RSPH3: variants seen among roughly 807,000 people sequenced by gnomAD.
The protein encoded by RSPH3 is radial spoke head protein 3 homolog.
In RSPH3, 21 loss-of-function variants were observed where a neutral mutation model predicts 43.8. The ratio of observed to expected loss-of-function variants is 0.48; its 90% confidence interval spans 0.34 to 0.69. The LOEUF is 0.69. Ranked by LOEUF, RSPH3 falls within the 30% of genes least tolerant of loss-of-function variation. The pLI is 0.01. For missense variants in RSPH3, 487 were observed against 516.0 expected, an observed-to-expected ratio of 0.94 and a Z score of 0.54; for synonymous variants, 173 against 179.8, an observed-to-expected ratio of 0.96 and a Z score of 0.30.
intron 2 of RSPH3, among the ~76,000 whole-genome samples, chr6:158,992,050 G>GT (rs1214613827): frequency 0.018 from 2,091 of 113,780 alleles, 69 homozygotes; most frequent in African/African-American, 0.05. Context: ...AATGAGCACT[G>GT]TTTTTTTTTT....
chr6:158,986,523 G>T, intron 2 of RSPH3, 102 bp from the exon 3 acceptor site: 7 of 856,372 alleles, frequency 8.2e-6, no homozygotes, highest in Non-Finnish European at 1.3e-5. Context: ...AAAGGCATTT[G>T]TCATAATGTT....
downstream of RSPH3, among the ~76,000 whole-genome samples, chr6:158,970,831 G>C (rs552292805): frequency 6.6e-6 from 1 of 152,156 alleles, no homozygotes; most frequent in Admixed American, 6.5e-5. Context: ...GATTACAGGC[G>C]TGAGAAACGT....
the RSPH3 span, among the ~76,000 whole-genome samples, chr6:158,964,392 C>G: frequency 2.0e-5 from 3 of 152,282 alleles, no homozygotes; most frequent in African/African-American, 7.2e-5. Context: ...GTCTTCAACT[C>G]ATTTTTAGGA....
rs1406371405 is a variant in RSPH3 at position 158,982,688 on chromosome 6, G to A, written c.493C>T (p.Leu165Phe). 6 of 1,604,488 alleles carry A rather than the reference G, an allele frequency of 3.7e-6. No individual in the cohort carries two copies. In the African/African-American group the frequency reaches 5.4e-5, roughly 14 times the overall value. The change falls in exon 5 of 8, where the codon CTC (leucine) becomes TTC (phenylalanine). Residue 165 changes from leucine (L) to phenylalanine (F), a missense_variant and splice_region_variant. Coordinates refer to ENST00000367069, the MANE Select transcript of RSPH3 (RefSeq NM_031924.8). ...TTAACTTCAAGATCAAAGTCAAAGAGCTTAAACATACAAAATAAAGCAAAC... is the reference window on the plus strand; with the variant it reads ...TTAACTTCAAGATCAAAGTCAAAGAACTTAAACATACAAAATAAAGCAAAC... ...DVATQILEGE[L>F]FDFDLEVKPV...
At chr6:158,991,564 C>T (rs1205466419) in intron 2 of RSPH3, among the ~76,000 whole-genome samples, 6 of 152,264 alleles carry the variant, frequency 3.9e-5, no homozygotes, top group African/African-American at 1.2e-4. Context: ...CTCATACCAC[C>T]TTGTTACTAC....
chr6:158,988,366 T>C lies in RSPH3; in HGVS notation c.205-1945A>G, dbSNP rs902657274. On this transcript the variant is annotated intron_variant, in intron 2 of 7. Transcript: ENST00000367069. ...AGCTTGATTATTCTATGGGGTATTA[T>C]TTGGGGTGAATCTGTTTGGTATTCT... is the stretch of plus-strand genomic sequence containing the variant. 2.0e-5 allele frequency: 3 copies of C among 152,176 alleles called. 1 individual carries two copies. Among genetic ancestry groups the C allele is most frequent in the South Asian group, 4.1e-4 (2 of 4,824 alleles). 9.4% of individuals were successfully genotyped at this position (152,176 alleles called of 1,614,324 possible). A position where few individuals can be genotyped will look rare whatever the true frequency, so the allele number is the denominator to read the frequency against.
intron 1 of RSPH3, among the ~76,000 whole-genome samples, chr6:158,998,327 G>C (rs1389801095): frequency 6.7e-6 from 1 of 148,582 alleles, no homozygotes. Context: ...AAAAGAGCCG[G>C]GCGTGGTGGC....
In RSPH3 at chr6:158,999,547, C is replaced by T. The variant is rs1336606611; in HGVS notation, c.4G>A (p.Ala2Thr). ...GAGGTGCGATCAGTCAGCGCTGAGG[C>T]CATGTCCGGGGGCTGACTGCCTCGC... M[A>T]SALTDRTSRA... The change falls in exon 1 of 8, where the codon GCC becomes ACC. Residue 2 changes from alanine to threonine, a missense_variant. Transcript: ENST00000367069. 2 of 1,602,148 alleles carry T rather than the reference C, an allele frequency of 1.2e-6. No individual in the cohort carries two copies. The highest frequency in any genetic ancestry group is 2.2e-5 in the East Asian group (1 of 44,610).
intron 1 of RSPH3, among the ~76,000 whole-genome samples, chr6:158,998,887 C>G (rs1262619717): frequency 6.9e-6 from 1 of 145,930 alleles, no homozygotes; most frequent in East Asian, 1.9e-4. Context: ...ACAACAGCAA[C>G]CACCACCACC....
In RSPH3 at chr6:158,989,923, C is replaced by T. The variant is rs2082659063; in HGVS notation, c.205-3502G>A. Among the ~76,000 whole-genome samples the T allele has an allele frequency of 6.6e-6, 1 of 152,144 alleles. No individual in the cohort carries two copies. Among genetic ancestry groups the T allele is most frequent in the Non-Finnish European group, 1.5e-5 (1 of 68,034 alleles). Reference sequence around the variant, plus strand: ...GTCAGTAGGCTGGGAAAGGCAGACCCACCCTTAATCGGGGTGGGCACAATC... The same window carrying T: ...GTCAGTAGGCTGGGAAAGGCAGACCTACCCTTAATCGGGGTGGGCACAATC... On this transcript the variant is annotated intron_variant, in intron 2 of 7. Coordinates refer to ENST00000367069, the MANE Select transcript of RSPH3 (RefSeq NM_031924.8). The surrounding 1 kb of genome is among the most constrained non-coding windows in gnomAD (Gnocchi z 4.3).
chr6:158,966,967 C>T, the RSPH3 span, among the ~76,000 whole-genome samples: 3 of 149,780 alleles, frequency 2.0e-5, no homozygotes, highest in African/African-American at 7.3e-5. Flanking sequence ...TTATAAATTT[C>T]TGTCTAAGCA....
intron 1 of RSPH3, among the ~76,000 whole-genome samples, chr6:158,998,842 CCT>C (rs1778728783): frequency 6.6e-6 from 1 of 152,054 alleles, no homozygotes. Context: ...TGCAGTCCAG[CCT>C]GGGCGACAAG....
Position 158,999,972 on chromosome 6 carries a change from G to T in RSPH3, c.-422C>A, listed in dbSNP as rs565392186. On this transcript the variant is annotated 5_prime_UTR_variant, in exon 1 of 8. Transcript: ENST00000367069. ...GGAGGCGGCCTTGGCTGGCTTGACC[G>T]TCATCCTTGAGGCCTGCGGGGCAAC... The T allele has an allele frequency of 8.2e-6, 13 of 1,591,648 alleles. No homozygotes were observed. The African/African-American group carries it at 1.5e-4, about 18-fold the overall frequency.
Position 158,993,849 on chromosome 6 carries a change from G to A in RSPH3, c.194C>T (p.Thr65Ile). ...TCAAACTGAACTTACCAGTGGCCCT[G>A]TCTGGAGTGCATAAGTGTTACCTCG... is the stretch of plus-strand genomic sequence containing the variant. ...VIRGNTYALQ[T>I]GPLLGRPDSL... Residue 65 changes from threonine (T) to isoleucine (I), a missense_variant, in exon 2 of 8, where the codon ACA (threonine) becomes ATA (isoleucine). By Grantham distance (89) the Thr-to-Ile change is moderately conservative (BLOSUM62 -1). Coordinates refer to ENST00000367069, the MANE Select transcript of RSPH3 (RefSeq NM_031924.8). The A allele has an allele frequency of 6.3e-7, 1 of 1,596,736 alleles. No individual in the cohort carries two copies. Among genetic ancestry groups the A allele is most frequent in the Non-Finnish European group, 8.6e-7 (1 of 1,164,564 alleles).
At chr6:158,990,837 CCAA>C (rs1778379265) in intron 2 of RSPH3, among the ~76,000 whole-genome samples, 1 of 150,610 alleles carries the variant, frequency 6.6e-6, no homozygotes, top group African/African-American at 2.4e-5. Flanking sequence ...TTCTAGGATT[CCAA>C]CAACATGAAT....
intron 3 of RSPH3, among the ~76,000 whole-genome samples, chr6:158,985,440 A>C (rs1454153282): frequency 6.6e-6 from 1 of 152,184 alleles, no homozygotes; most frequent in Non-Finnish European, 1.5e-5. Flanking sequence ...CTAAGAGAGA[A>C]TTTGGTCACA....
chr6:158,969,514 G>A (rs1319146350), downstream of RSPH3, among the ~76,000 whole-genome samples: 1 of 152,190 alleles, frequency 6.6e-6, no homozygotes, highest in Non-Finnish European at 1.5e-5. Flanking sequence ...CCTATATGGA[G>A]TTCACTGAAC....
chr6:158,980,832 GAGA>G lies in RSPH3; in HGVS notation c.798_800del (p.Leu267del). 1 of 1,614,146 alleles carries G rather than the reference GAGA, an allele frequency of 6.2e-7. No homozygotes were observed. Among genetic ancestry groups the G allele is most frequent in the Non-Finnish European group, 8.5e-7 (1 of 1,180,000 alleles). On this transcript the variant is annotated inframe_deletion, in exon 6 of 8. Coordinates refer to ENST00000367069, the MANE Select transcript of RSPH3 (RefSeq NM_031924.8). ...CCCTGAGGCTGCCAAAAACAGACGG[GAGA>G]AGGTCAGCCAGGTAACGCTGTGCAA...
intron 1 of RSPH3, among the ~76,000 whole-genome samples, chr6:158,995,835 G>A (rs546185673): frequency 4.6e-5 from 7 of 152,120 alleles, no homozygotes; most frequent in Non-Finnish European, 7.4e-5. Flanking sequence ...TCCTGACCTC[G>A]TGATCCGCCC....
Sources: gnomAD v4.1 joint callset for allele counts (sites outside exome capture counted in the v4.1 genomes callset) on GRCh38, gnomAD v4.1.1 for gene constraint, Gnocchi (gnomAD v3.1) non-coding constraint, MANE v1.5 for transcripts, NCBI Gene and HGNC (gene_info 2026-07-23, HGNC 2026-07-21) for gene names.